FTCDNL1: variants seen among roughly 807,000 people sequenced by gnomAD.
FTCDNL1 encodes formiminotransferase cyclodeaminase N-terminal like, also known as formiminotransferase N-terminal subdomain-containing protein.
FTCDNL1 carries 11 observed loss-of-function variants against 5.9 expected under a neutral mutation model. That is an observed-to-expected ratio of 1.87 (90% CI 1.18 to 3.10). The LOEUF (loss-of-function observed/expected upper bound fraction) is 3.10. FTCDNL1 is among the 30% of genes most tolerant of loss of function. The pLI is 0.00. For missense variants in FTCDNL1, 115 were observed against 65.5 expected (o/e 1.76, Z -2.61); for synonymous variants, 58 against 24.8 (o/e 2.34, Z -3.99).
the FTCDNL1 span, among the ~76,000 whole-genome samples, chr2:199,712,103 C>CA: frequency 6.6e-6 from 1 of 151,686 alleles, no homozygotes; most frequent in Non-Finnish European, 1.5e-5. Flanking sequence ...ACGTATTGGT[C>CA]AAAAAAACAA....
intron 3 of FTCDNL1, among the ~76,000 whole-genome samples, chr2:199,774,720 G>A (rs1011714583): frequency 1.3e-5 from 2 of 152,094 alleles, no homozygotes; most frequent in African/African-American, 4.8e-5. Context: ...ACCTTCTATG[G>A]AGCTTTGCCA....
chr2:199,735,079 C>T, the FTCDNL1 span, among the ~76,000 whole-genome samples: 1 of 141,812 alleles, frequency 7.1e-6, no homozygotes, highest in Non-Finnish European at 1.5e-5. Context: ...GTTCTTAAAC[C>T]CCCTGATAGT....
At chr2:199,668,085 C>A in the FTCDNL1 span, among the ~76,000 whole-genome samples, 3 of 152,184 alleles carry the variant, frequency 2.0e-5, no homozygotes, top group Non-Finnish European at 4.4e-5. Flanking sequence ...AACTCTTGGG[C>A]TTTGCTGAAT....
At position 199,787,946 on chromosome 2, in the gene FTCDNL1, TA is replaced by T. The variant is rs1483279657; in HGVS notation, c.212-27112del. ...CCTGTGGTGATGGTGTCATTAGCAC[TA>T]AATGCAAAATTGGAATTGTAAGCAC... is the stretch of plus-strand genomic sequence containing the variant. On this transcript the variant is annotated intron_variant, in intron 3 of 3. Coordinates refer to the FTCDNL1 transcript ENST00000416668. Among the ~76,000 whole-genome samples the T allele has an allele frequency of 4.6e-5, 7 of 152,214 alleles. 1 individual carries two copies. The highest frequency in any genetic ancestry group is 1.5e-5 in the Non-Finnish European group (1 of 68,040).
At chr2:199,673,191 G>GGCAT in the FTCDNL1 span, among the ~76,000 whole-genome samples, 1 of 151,918 alleles carries the variant, frequency 6.6e-6, no homozygotes, top group East Asian at 2.0e-4. Flanking sequence ...ATCTGGGTGT[G>GGCAT]GTGGCATGTG....
At chr2:199,766,129 T>C (rs1698528259) in intron 3 of FTCDNL1, among the ~76,000 whole-genome samples, 1 of 152,218 alleles carries the variant, frequency 6.6e-6, no homozygotes, top group South Asian at 2.1e-4. Context: ...CTCCTTAAAA[T>C]GTCAAGCTGG....
At chr2:199,718,872 C>T in the FTCDNL1 span, among the ~76,000 whole-genome samples, 6 of 151,872 alleles carry the variant, frequency 4.0e-5, no homozygotes, top group East Asian at 1.2e-3. Flanking sequence ...ATGTACTTTG[C>T]CTTTTTAATG....
At chr2:199,697,228 C>T in the FTCDNL1 span, among the ~76,000 whole-genome samples, 2 of 152,184 alleles carry the variant, frequency 1.3e-5, no homozygotes, top group East Asian at 1.9e-4. Flanking sequence ...GCAGAGATCA[C>T]GCCGCTGTGC....
At chr2:199,781,078 T>G (rs1413536123) in intron 3 of FTCDNL1, among the ~76,000 whole-genome samples, 1 of 152,190 alleles carries the variant, frequency 6.6e-6, no homozygotes, top group Admixed American at 6.5e-5. Context: ...TCCTTCCACA[T>G]AGATGTTCAT....
At chr2:199,839,783 C>T (rs1003356908) in intron 3 of FTCDNL1, among the ~76,000 whole-genome samples, 1 of 152,302 alleles carries the variant, frequency 6.6e-6, no homozygotes, top group Admixed American at 6.5e-5. Context: ...AGTGACACAA[C>T]ATCTTTAAAT....
chr2:199,716,980 C>T, the FTCDNL1 span, among the ~76,000 whole-genome samples: 1 of 152,026 alleles, frequency 6.6e-6, no homozygotes, highest in Admixed American at 6.6e-5. Flanking sequence ...TGTTCTGCTT[C>T]GTTTCTCGGA....
At chr2:199,680,551 T>C in the FTCDNL1 span, among the ~76,000 whole-genome samples, 5 of 152,204 alleles carry the variant, frequency 3.3e-5, no homozygotes, top group Non-Finnish European at 4.4e-5. Flanking sequence ...TTTGAAGAGC[T>C]ATCACAGAGA....
At chr2:199,743,654 C>T in the FTCDNL1 span, among the ~76,000 whole-genome samples, 1 of 151,894 alleles carries the variant, frequency 6.6e-6, no homozygotes, top group Non-Finnish European at 1.5e-5. Flanking sequence ...CGTCCCTTGC[C>T]TCTGCCTCTG....
At position 199,812,106 on chromosome 2, in the gene FTCDNL1, T is replaced by C. The variant is rs1027490228; in HGVS notation, c.*599A>G. Among the ~76,000 whole-genome samples, 1 of 152,216 alleles carries C rather than the reference T, an allele frequency of 6.6e-6. No individual in the cohort carries two copies. The highest frequency in any genetic ancestry group is 2.4e-5 in the African/African-American group (1 of 41,458). On this transcript the variant is annotated 3_prime_UTR_variant, in exon 5 of 5. Coordinates refer to ENST00000420128, the MANE Select transcript of FTCDNL1 (RefSeq NM_001363886.2). ...TTATATGTATTTTAAATTCTTCTAG[T>C]AAGCTTTAGTTACACAATATTTTTG...
chr2:199,822,455 A>G (rs1160200896), intron 3 of FTCDNL1, among the ~76,000 whole-genome samples: 1 of 152,188 alleles, frequency 6.6e-6, no homozygotes, highest in Non-Finnish European at 1.5e-5. Flanking sequence ...TCAGCAAGTC[A>G]TCATCTTTTT....
At chr2:199,798,310 AT>A (rs754701392) in intron 3 of FTCDNL1, among the ~76,000 whole-genome samples, 76 of 152,204 alleles carry the variant, frequency 5.0e-4, no homozygotes, top group Non-Finnish European at 7.6e-4. Context: ...AGGTATTGGA[AT>A]TACCAAGTGG....
intron 3 of FTCDNL1, among the ~76,000 whole-genome samples, chr2:199,768,112 G>A (rs1523815): frequency 0.69 from 105,499 of 152,098 alleles, 37,819 homozygotes; most frequent in East Asian, 0.95. Flanking sequence ...ACATATTCTC[G>A]AGAAAGTATA....
At chr2:199,730,322 A>G in the FTCDNL1 span, among the ~76,000 whole-genome samples, 2 of 152,352 alleles carry the variant, frequency 1.3e-5, no homozygotes, top group African/African-American at 4.8e-5. Context: ...AACTGCAACG[A>G]AAGCAAAAAT....
chr2:199,756,623 C>T (rs1698082034), downstream of FTCDNL1, among the ~76,000 whole-genome samples: 1 of 152,218 alleles, frequency 6.6e-6, no homozygotes, highest in African/African-American at 2.4e-5. Flanking sequence ...TCATGTTCTA[C>T]TATGTAGTCT....
Sources: gnomAD v4.1 joint callset for allele counts (sites outside exome capture counted in the v4.1 genomes callset) on GRCh38, gnomAD v4.1.1 for gene constraint, MANE v1.5 for transcripts, NCBI Gene and HGNC (gene_info 2026-07-23, HGNC 2026-07-21) for gene names.